The following LRRFIP2 variants were observed in gnomAD, a reference collection of about 807,000 sequenced individuals.
LRRFIP2 encodes LRR binding FLII interacting protein 2.
A neutral mutation model predicts 125.9 loss-of-function variants in LRRFIP2; 109 were observed. The observed-to-expected ratio is 0.87, with a 90% CI of 0.74 to 1.01. The LOEUF (loss-of-function observed/expected upper bound fraction) is 1.01, where lower values mean the gene tolerates loss of function less well. LRRFIP2 is among the 50% of genes least tolerant of loss of function. LRRFIP2 has a pLI of 0.00. For missense variants in LRRFIP2, 850 were observed against 862.3 expected, an observed-to-expected ratio of 0.99 and a Z score of 0.18; for synonymous variants, 291 against 293.1, an observed-to-expected ratio of 0.99 and a Z score of 0.07.
intron 1 of LRRFIP2, among the ~76,000 whole-genome samples, chr3:37,149,719 C>T (rs1577540329): frequency 6.6e-6 from 1 of 151,958 alleles, no homozygotes; most frequent in African/African-American, 2.4e-5. Context: ...ACCATGACAA[C>T]GTCAGGCACG....
intron 2 of LRRFIP2, among the ~76,000 whole-genome samples, chr3:37,133,549 G>C (rs1476522928): frequency 1.3e-5 from 2 of 152,172 alleles, no homozygotes; most frequent in Admixed American, 1.3e-4. Context: ...AGACAGAAAG[G>C]AGTAATATTG....
At chr3:37,130,163 A>G (rs2095390695) in intron 2 of LRRFIP2, among the ~76,000 whole-genome samples, 1 of 152,028 alleles carries the variant, frequency 6.6e-6, no homozygotes, top group Non-Finnish European at 1.5e-5. Context: ...CCACTAATCT[A>G]CTTTCTGTGT....
At chr3:37,156,261 C>A (rs950811742) in intron 1 of LRRFIP2, among the ~76,000 whole-genome samples, 1 of 152,092 alleles carries the variant, frequency 6.6e-6, no homozygotes, top group African/African-American at 2.4e-5. Flanking sequence ...AGGCAAGTTG[C>A]TTGAGCCCAG....
At chr3:37,119,357 T>A (rs2094927558) in intron 6 of LRRFIP2, among the ~76,000 whole-genome samples, 1 of 152,184 alleles carries the variant, frequency 6.6e-6, no homozygotes, top group African/African-American at 2.4e-5. Flanking sequence ...TATATAGTTA[T>A]TATCGGTTTA....
intron 19 of LRRFIP2, among the ~76,000 whole-genome samples, chr3:37,080,592 C>T (rs952327772): frequency 2.2e-4 from 33 of 152,026 alleles, no homozygotes; most frequent in African/African-American, 7.7e-4. Flanking sequence ...ATGAAGCAGA[C>T]TTTCAAAAAA....
chr3:37,099,652 G>A (rs2093914196), intron 15 of LRRFIP2, among the ~76,000 whole-genome samples: 1 of 152,012 alleles, frequency 6.6e-6, no homozygotes, highest in South Asian at 2.1e-4. Context: ...TTTAGAAATG[G>A]GTTTAATTAT....
At chr3:37,156,287 C>T (rs546432889) in intron 1 of LRRFIP2, among the ~76,000 whole-genome samples, 2 of 152,068 alleles carry the variant, frequency 1.3e-5, no homozygotes, top group East Asian at 1.9e-4. Flanking sequence ...TGAGACCAGC[C>T]TAGAAAGCAA....
chr3:37,091,545 G>A lies in LRRFIP2; in HGVS notation c.1036-7C>T. ...CCTTAAGGTCATAGATATCCTGCAG[G>A]ACATAGGAATGAACCATTGCATAAA... On this transcript the variant is annotated splice_region_variant and splice_polypyrimidine_tract_variant and intron_variant, in intron 17 of 27. Coordinates refer to ENST00000336686, the MANE Select transcript of LRRFIP2 (RefSeq NM_006309.4). 1.3e-6 allele frequency: 2 copies of A among 1,598,520 alleles called. No homozygotes were observed. Among genetic ancestry groups the A allele is most frequent in the Non-Finnish European group, 1.7e-6 (2 of 1,171,510 alleles).
intron 12 of LRRFIP2, 93 bp downstream of exon 12, chr3:37,108,544 T>C: frequency 1.0e-6 from 1 of 991,768 alleles, no homozygotes; most frequent in Non-Finnish European, 1.5e-6. Context: ...TGTATATTTT[T>C]CTTTTTTATT....
intron 1 of LRRFIP2, among the ~76,000 whole-genome samples, chr3:37,151,566 A>G (rs1349911729): frequency 6.6e-6 from 1 of 151,804 alleles, no homozygotes; most frequent in African/African-American, 2.4e-5. Flanking sequence ...TACAACCACT[A>G]TGGAAAACAA....
In LRRFIP2 at chr3:37,135,100, A is replaced by AT; in HGVS notation, c.91-5952dup. ...TCGGGAATGGACTCAGAAGAATGCC[A>AT]TATGATGCTACCTTAAAGTCAGAAT... On this transcript the variant is annotated intron_variant, in intron 2 of 27. Transcript: ENST00000336686. 3 of 1,322,668 alleles carry AT rather than the reference A, an allele frequency of 2.3e-6. No homozygotes were observed. In the Admixed American group the frequency reaches 5.1e-5, roughly 22 times the overall value. The allele number at this position is 1,322,668 out of a possible 1,614,324, so 81.9% of individuals were successfully genotyped here. A position where few individuals can be genotyped will look rare whatever the true frequency, so the allele number is the denominator to read the frequency against.
Position 37,115,989 on chromosome 3 carries a change from A to G in LRRFIP2, c.331-894T>C, listed in dbSNP as rs150571767. On this transcript the variant is annotated intron_variant, in intron 6 of 27. Transcript: ENST00000336686. ...AGGTAGTTTAAATACTAATTGTTTG[A>G]TAAAAATATCTTTCTTTTCCAACTC... Among the ~76,000 whole-genome samples the G allele has an allele frequency of 4.1e-3, 624 of 152,358 alleles. 3 individuals are homozygous for G. Among genetic ancestry groups the G allele is most frequent in the African/African-American group, 0.014 (591 of 41,592 alleles).
At chr3:37,089,462 T>C (rs1220470453) in intron 18 of LRRFIP2, among the ~76,000 whole-genome samples, 2 of 152,146 alleles carry the variant, frequency 1.3e-5, no homozygotes. Flanking sequence ...CCAACATCCT[T>C]TTTCAATAGG....
At position 37,053,492 on chromosome 3, in the gene LRRFIP2, A is replaced by G. The variant is rs931132919; in HGVS notation, c.*359T>C. Reference sequence around the variant, plus strand: ...TTCTGAGGTCTCCAGCAAGTATCTCAGTGAGCACTCATAGAATTGCTGTCT... The same window carrying G: ...TTCTGAGGTCTCCAGCAAGTATCTCGGTGAGCACTCATAGAATTGCTGTCT... On this transcript the variant is annotated 3_prime_UTR_variant, in exon 28 of 28. Coordinates refer to ENST00000336686, the MANE Select transcript of LRRFIP2 (RefSeq NM_006309.4). 1 of 222,658 alleles carries G rather than the reference A, an allele frequency of 4.5e-6. No homozygotes were observed. Among genetic ancestry groups the G allele is most frequent in the African/African-American group, 2.3e-5 (1 of 43,312 alleles). 13.8% of individuals were successfully genotyped at this position (222,658 alleles called of 1,614,324 possible). A position where few individuals can be genotyped will look rare whatever the true frequency, so the allele number is the denominator to read the frequency against.
Position 37,121,859 on chromosome 3 carries a change from TGTGTGTGTG to T in LRRFIP2, c.229-177_229-169del, listed in dbSNP as rs1213864139. ...CCACATTCGTGTGTGTGTGTGTGTG[TGTGTGTGTG>T]TGTGTGTGTGTGTGTGTGTAAGTTT... is the stretch of plus-strand genomic sequence containing the variant. On this transcript the variant is annotated intron_variant, in intron 4 of 27. Transcript: ENST00000336686. 2.6e-3 allele frequency among the ~76,000 whole-genome samples: 383 copies of T among 149,744 alleles called. 5 individuals carry two copies. The highest frequency in any genetic ancestry group is 9.1e-3 in the African/African-American group (372 of 41,096).
chr3:37,066,425 A>C, intron 21 of LRRFIP2, 100 bp from the exon 22 acceptor site: 1 of 911,840 alleles, frequency 1.1e-6, no homozygotes, highest in Non-Finnish European at 1.8e-6. Flanking sequence ...AGATAAAGGC[A>C]TAAAAAGCAA....
At chr3:37,084,753 C>T (rs139804135) in intron 18 of LRRFIP2, among the ~76,000 whole-genome samples, 3 of 151,802 alleles carry the variant, frequency 2.0e-5, no homozygotes, top group Non-Finnish European at 2.9e-5. Context: ...ATGCCTGGAA[C>T]GTTACATATC....
intron 25 of LRRFIP2, 112 bp downstream of exon 25, chr3:37,058,675 CAAA>C (rs58404365): frequency 0.35 from 315,791 of 898,710 alleles, 28,848 homozygotes; most frequent in Non-Finnish European, 0.39. Flanking sequence ...ACTCCCATCT[CAAA>C]AAAAAAAAAA....
intron 2 of LRRFIP2, among the ~76,000 whole-genome samples, chr3:37,146,813 C>A (rs573721223): frequency 6.6e-6 from 1 of 152,094 alleles, no homozygotes; most frequent in African/African-American, 2.4e-5. Flanking sequence ...TAAGCACAGG[C>A]AAAAAATTTC....
Sources: allele counts gnomAD v4.1 joint callset (sites outside exome capture counted in the v4.1 genomes callset), GRCh38; gene constraint gnomAD v4.1.1; transcripts MANE v1.5; gene names NCBI Gene and HGNC (gene_info 2026-07-23, HGNC 2026-07-21).